RIPK3: variants seen among roughly 807,000 people sequenced by gnomAD.
The protein encoded by RIPK3 is receptor interacting serine/threonine kinase 3, also known as receptor-interacting serine/threonine-protein kinase 3.
RIPK3 carries 51 observed loss-of-function variants against 51.6 expected under a neutral mutation model. The observed-to-expected ratio is 0.99, with a 90% CI of 0.79 to 1.25. The LOEUF is 1.25. RIPK3 is among the 50% of genes most tolerant of loss of function. The pLI, the probability that RIPK3 is intolerant of heterozygous loss-of-function variation, is 0.00. For missense variants in RIPK3, 654 were observed against 650.4 expected (o/e 1.01, Z -0.06); for synonymous variants, 246 against 257.7 (o/e 0.95, Z 0.44).
chr14:24,337,667 C>G, intron 7 of RIPK3, 28 bp downstream of exon 7: 2 of 1,579,604 alleles, frequency 1.3e-6, no homozygotes, highest in Non-Finnish European at 1.7e-6. Flanking sequence ...CTGACCAGCT[C>G]CTGGGGAGGG....
chr14:24,339,648 C>G lies in RIPK3; in HGVS notation c.21-51G>C, dbSNP rs373231172. On this transcript the variant is annotated intron_variant, in intron 1 of 9. Coordinates refer to ENST00000216274, the MANE Select transcript of RIPK3 (RefSeq NM_006871.4). The surrounding 1 kb of genome is among the most constrained non-coding windows in gnomAD (Gnocchi z 4.0). ...CCGGCCGTGCCGTGCCTCAGCGCTG[C>G]TCCCCGCGCCCCTGTGACTCGGCGT... The G allele has an allele frequency of 4.4e-6, 7 of 1,608,228 alleles. No individual in the cohort carries two copies. The African/African-American group carries it at 8.0e-5, about 18-fold the overall frequency.
Position 24,338,033 on chromosome 14 carries a change from G to C in RIPK3, c.672C>G (p.Thr224=), listed in dbSNP as rs781220787. The C allele has an allele frequency of 1.9e-6, 3 of 1,614,154 alleles. No homozygotes were observed. The highest frequency in any genetic ancestry group is 1.6e-4 in the Middle Eastern group (1 of 6,062). Residue 224 remains threonine (T), a synonymous_variant, in exon 6 of 10, where the codon ACC becomes ACG. Coordinates refer to ENST00000216274, the MANE Select transcript of RIPK3 (RefSeq NM_006871.4). ...CTGCTTCGTACACGAGTGATGGTTCGGTTGGCACTGGAGTAGGGGAGGAGG... is the reference window on the plus strand; with the variant it reads ...CTGCTTCGTACACGAGTGATGGTTCCGTTGGCACTGGAGTAGGGGAGGAGG... ...VLAGREVELP[T]EPSLVYEAVC...
chr14:24,336,522 C>T lies in RIPK3; in HGVS notation c.1337-127G>A, dbSNP rs1007389249. On this transcript the variant is annotated intron_variant, in intron 9 of 9. Coordinates refer to ENST00000216274, the MANE Select transcript of RIPK3 (RefSeq NM_006871.4). Reference sequence around the variant, plus strand: ...TCAAGGTGTGCCCTGTGCTCCTCCCCTCAGAGCTCCTCTCCAGAATTGTGT... The same window carrying T: ...TCAAGGTGTGCCCTGTGCTCCTCCCTTCAGAGCTCCTCTCCAGAATTGTGT... The T allele has an allele frequency of 2.3e-5, 29 of 1,269,504 alleles. 1 individual carries two copies. The South Asian group carries it at 3.7e-4, about 16-fold the overall frequency. 78.6% of individuals were successfully genotyped at this position (1,269,504 alleles called of 1,614,324 possible).
Position 24,337,903 on chromosome 14 carries a change from T to C in RIPK3, c.802A>G (p.Ser268Gly), listed in dbSNP as rs575662398. The C allele has an allele frequency of 6.2e-7, 1 of 1,614,216 alleles. No individual in the cohort carries two copies. Among genetic ancestry groups the C allele is most frequent in the Admixed American group, 1.7e-5 (1 of 60,032 alleles). Residue 268 changes from serine (S) to glycine (G), a missense_variant, in exon 6 of 10, where the codon AGT becomes GGT. Transcript: ENST00000216274. ...LKELMQLCWS[S>G]EPKDRPSFQE... ...AAGGAGGGTCTGTCCTTGGGCTCAC[T>C]GCTCCAGCAGAGCTGCATTAGCTCC... is the stretch of plus-strand genomic sequence containing the variant.
intron 9 of RIPK3, 45 bp from the exon 10 acceptor site, chr14:24,336,440 A>G (rs1321618338): frequency 6.3e-7 from 1 of 1,592,728 alleles, no homozygotes; most frequent in East Asian, 2.2e-5. Flanking sequence ...TAGCTGTCAG[A>G]AAGGCCAAGT....
chr14:24,338,359 T>A (rs2042156701), intron 4 of RIPK3, 63 bp downstream of exon 4: 1 of 1,560,764 alleles, frequency 6.4e-7, no homozygotes, highest in South Asian at 1.2e-5. Flanking sequence ...CTATACATCA[T>A]CCCCTGGGAG....
chr14:24,338,559 A>C lies in RIPK3; in HGVS notation c.480T>G (p.Asp160Glu). The C allele has an allele frequency of 1.3e-6, 2 of 1,598,126 alleles. No homozygotes were observed. Among genetic ancestry groups the C allele is most frequent in the South Asian group, 1.1e-5 (1 of 90,574 alleles). The part of the protein sequence containing the change: ...LDPELHVKLA[D>E]FGLSTFQGGS... ...CTCCCTGAAATGTGGACAGGCCAAA[A>C]TCTGCCAGCTGCAAAGGAAGGAAAG... Residue 160 changes from aspartate (D) to glutamate (E), a missense_variant, in exon 4 of 10, where the codon GAT becomes GAG. Transcript: ENST00000216274.
Position 24,339,242 on chromosome 14 carries a change from C to T in RIPK3, c.244G>A (p.Val82Met), listed in dbSNP as rs148690006. ...GGCTTGGGATCTTGGTCCCAGTTCACCTTCTCGATAACCCCTTCTAGGCGC... is the reference window on the plus strand; with the variant it reads ...GGCTTGGGATCTTGGTCCCAGTTCATCTTCTCGATAACCCCTTCTAGGCGC... ...VLRLEGVIEK[V>M]NWDQDPKPAL... is the part of the protein sequence containing the mutation. The change falls in exon 3 of 10, where the codon GTG (valine) becomes ATG (methionine). Residue 82 changes from valine (V) to methionine (M), a missense_variant. Coordinates refer to ENST00000216274, the MANE Select transcript of RIPK3 (RefSeq NM_006871.4). This position sits in a 1 kb window ranked among gnomAD's most constrained non-coding sequence, Gnocchi z 4.0. The T allele has an allele frequency of 1.9e-6, 3 of 1,614,230 alleles. No individual in the cohort carries two copies. Among genetic ancestry groups the T allele is most frequent in the Non-Finnish European group, 2.5e-6 (3 of 1,180,030 alleles).
In RIPK3 at chr14:24,339,483, G is replaced by T; in HGVS notation, c.135C>A (p.Tyr45Ter). ...VFRAQHRKWGYDVAVKIVNSK... is the reference protein window; with the variant it reads ...VFRAQHRKWG ...AGTTTACGATCTTGACCGCCACATC[G>T]TAGCCCCACTTCCTATGTTGCGCCC... is the stretch of plus-strand genomic sequence containing the variant. Residue 45 changes from tyrosine (Y) to a stop codon, truncating the protein, a stop_gained, in exon 2 of 10, where the codon TAC (tyrosine) becomes TAA (stop). Coordinates refer to ENST00000216274, the MANE Select transcript of RIPK3 (RefSeq NM_006871.4). LOFTEE classifies it high-confidence loss of function. The surrounding 1 kb of genome is among the most constrained non-coding windows in gnomAD (Gnocchi z 4.0). 1 of 1,614,176 alleles carries T rather than the reference G, an allele frequency of 6.2e-7. No individual in the cohort carries two copies. Among genetic ancestry groups the T allele is most frequent in the Non-Finnish European group, 8.5e-7 (1 of 1,180,032 alleles).
rs1566447187 is a variant in RIPK3 at position 24,338,566 on chromosome 14, A to T, written c.473T>A (p.Leu158Gln). Residue 158 changes from leucine to glutamine, a missense_variant and splice_region_variant, in exon 4 of 10, where the codon CTG (leucine) becomes CAG (glutamine). By Grantham distance (113) the Leu-to-Gln change is moderately radical. Transcript: ENST00000216274. The stretch of plus-strand genomic sequence containing the variant: ...AAATGTGGACAGGCCAAAATCTGCC[A>T]GCTGCAAAGGAAGGAAAGAAGTGGG... The part of the protein sequence containing the change: ...VLLDPELHVK[L>Q]ADFGLSTFQG... The T allele has an allele frequency of 6.3e-7, 1 of 1,595,070 alleles. No homozygotes were observed. Among genetic ancestry groups the T allele is most frequent in the East Asian group, 2.3e-5 (1 of 44,332 alleles).
chr14:24,338,858 C>T, intron 3 of RIPK3, 157 bp downstream of exon 3: 4 of 703,648 alleles, frequency 5.7e-6, no homozygotes, highest in Non-Finnish European at 7.1e-6. Flanking sequence ...GGAGCTAAAA[C>T]TCCTGGCTGG....
At position 24,337,295 on chromosome 14, in the gene RIPK3, C is replaced by G; in HGVS notation, c.1066G>C (p.Glu356Gln). 1 of 1,614,064 alleles carries G rather than the reference C, an allele frequency of 6.2e-7. No homozygotes were observed. The highest frequency in any genetic ancestry group is 8.5e-7 in the Non-Finnish European group (1 of 1,180,040). ...SEWLNKLNLEEPPSSVPKKCP... is the reference protein window; with the variant it reads ...SEWLNKLNLEQPPSSVPKKCP... ...TTTTTAGGAACAGAGCTGGGAGGCTCCTCTAGATTCAGTTTGTTTAGCCAC... is the reference window on the plus strand; with the variant it reads ...TTTTTAGGAACAGAGCTGGGAGGCTGCTCTAGATTCAGTTTGTTTAGCCAC... Residue 356 changes from glutamate (E) to glutamine (Q), a missense_variant, in exon 8 of 10, where the codon GAG becomes CAG. Glu to Gln is a conservative substitution (Grantham distance 29). Transcript: ENST00000216274.
Position 24,339,985 on chromosome 14 carries a change from T to A in RIPK3, c.-159A>T. The A allele has an allele frequency of 1.5e-6, 1 of 686,558 alleles. No individual in the cohort carries two copies. The highest frequency in any genetic ancestry group is 2.3e-6 in the Non-Finnish European group (1 of 443,948). 42.5% of individuals were successfully genotyped at this position (686,558 alleles called of 1,614,324 possible). A position where few individuals can be genotyped will look rare whatever the true frequency, so the allele number is the denominator to read the frequency against. On this transcript the variant is annotated 5_prime_UTR_variant, in exon 1 of 10. The change creates a new upstream start codon in the 5' untranslated region. Transcript: ENST00000216274. The surrounding 1 kb of genome is among the most constrained non-coding windows in gnomAD (Gnocchi z 4.0). ...GAGTCTACTTTCCGGGTTGTTACCCTTTTTCCGAGTTGACTGAACAACTTC... is the reference window on the plus strand; with the variant it reads ...GAGTCTACTTTCCGGGTTGTTACCCATTTTCCGAGTTGACTGAACAACTTC...
At chr14:24,338,342 T>A in intron 4 of RIPK3, 47 bp from the exon 5 acceptor site, 1 of 1,543,482 alleles carries the variant, frequency 6.5e-7, no homozygotes, top group South Asian at 1.2e-5. Context: ...CTGGCAAGAC[T>A]CCTTTCCTAT....
At chr14:24,338,383 G>A (rs2042156950) in intron 4 of RIPK3, 39 bp downstream of exon 4, 2 of 1,590,758 alleles carry the variant, frequency 1.3e-6, no homozygotes, top group South Asian at 1.1e-5. Flanking sequence ...CCAGAGAAGT[G>A]TAGGAATCCT....
Position 24,339,306 on chromosome 14 carries a change from C to G in RIPK3, c.180G>C (p.Glu60Asp). ...TATCCAGACTTGCCATGGCCTTGAC[C>G]TCCCTGGATATCGCCTTCCTACACT... ...KIVNSKAISR[E>D]VKAMASLDNE... Residue 60 changes from glutamate (E) to aspartate (D), a missense_variant, in exon 3 of 10, where the codon GAG (glutamate) becomes GAC (aspartate). Coordinates refer to ENST00000216274, the MANE Select transcript of RIPK3 (RefSeq NM_006871.4). The surrounding 1 kb of genome is among the most constrained non-coding windows in gnomAD (Gnocchi z 4.0). 6.2e-7 allele frequency: 1 copy of G among 1,611,988 alleles called. No homozygotes were observed. The highest frequency in any genetic ancestry group is 8.5e-7 in the Non-Finnish European group (1 of 1,178,330).
intron 9 of RIPK3, 99 bp from the exon 10 acceptor site, chr14:24,336,494 G>A: frequency 6.7e-7 from 1 of 1,494,472 alleles, no homozygotes; most frequent in Non-Finnish European, 9.0e-7. Flanking sequence ...GTCAGTGGCT[G>A]TGTCAAGGTG....
At position 24,337,754 on chromosome 14, in the gene RIPK3, G is replaced by A. The variant is rs374322185; in HGVS notation, c.841C>T (p.Pro281Ser). 7 of 1,613,856 alleles carry A rather than the reference G, an allele frequency of 4.3e-6. No individual in the cohort carries two copies. The highest frequency in any genetic ancestry group is 2.2e-5 in the East Asian group (1 of 44,892). ...KDRPSFQECLPKTDEVFQMVE... is the reference protein window; with the variant it reads ...KDRPSFQECLSKTDEVFQMVE... ...ATCTGGAAGACTTCATCAGTTTTTG[G>A]TAGGCATTCTAGAGGGACAGCAGAG... is the stretch of plus-strand genomic sequence containing the variant. Residue 281 changes from proline (P) to serine (S), a missense_variant, in exon 7 of 10, where the codon CCA (proline) becomes TCA (serine). Physicochemically the swap from Pro to Ser is moderately conservative, Grantham distance 74. Transcript: ENST00000216274.
At chr14:24,337,785 T>C (rs1316376787) in intron 6 of RIPK3, 23 bp from the exon 7 acceptor site, 3 of 1,613,864 alleles carry the variant, frequency 1.9e-6, no homozygotes, top group African/African-American at 1.3e-5. Context: ...CAGAGTGGAG[T>C]GCAGGTGAGC....
Sources: allele counts gnomAD v4.1 joint callset, GRCh38; gene constraint gnomAD v4.1.1; non-coding constraint Gnocchi (gnomAD v3.1); transcripts MANE v1.5; gene names NCBI Gene and HGNC (gene_info 2026-07-23, HGNC 2026-07-21).